Variants in KCNJ6 observed in about 807,000 individuals in gnomAD.
KCNJ6 encodes G protein-activated inward rectifier potassium channel 2.
A neutral mutation model predicts 34.2 loss-of-function variants in KCNJ6; 9 were observed. That is an observed-to-expected ratio of 0.26 (90% CI 0.16 to 0.46). The LOEUF (loss-of-function observed/expected upper bound fraction) is 0.46. Ranked by LOEUF, KCNJ6 falls within the 20% of genes least tolerant of loss-of-function variation. KCNJ6 has a pLI of 1.00. For missense variants in KCNJ6, 236 were observed against 531.3 expected (o/e 0.44, Z 5.46); for synonymous variants, 196 against 207.1 (o/e 0.95, Z 0.46).
intron 3 of KCNJ6, among the ~76,000 whole-genome samples, chr21:37,663,797 T>C (rs183949907): frequency 2.6e-5 from 4 of 152,134 alleles, no homozygotes; most frequent in Admixed American, 6.5e-5. Flanking sequence ...CTATCAGTAA[T>C]TGAAAAATTA....
At chr21:37,783,926 C>T (rs1601469546) in intron 2 of KCNJ6, among the ~76,000 whole-genome samples, 1 of 152,312 alleles carries the variant, frequency 6.6e-6, no homozygotes, top group African/African-American at 2.4e-5. Context: ...CAGGAGGTGG[C>T]TGTCTCCAAG....
At chr21:37,909,483 A>T (rs1204858832) in intron 1 of KCNJ6, among the ~76,000 whole-genome samples, 2 of 151,782 alleles carry the variant, frequency 1.3e-5, no homozygotes, top group African/African-American at 4.8e-5. Flanking sequence ...CTTGTGCCTC[A>T]GCCTCCTGAG....
intron 2 of KCNJ6, among the ~76,000 whole-genome samples, chr21:37,754,098 A>G (rs979019222): frequency 7.9e-5 from 12 of 152,126 alleles, no homozygotes; most frequent in African/African-American, 2.9e-4. Context: ...TAATAATTAA[A>G]CCTGGATGCC....
intron 2 of KCNJ6, among the ~76,000 whole-genome samples, chr21:37,762,362 T>G (rs76262281): frequency 0.022 from 3,354 of 151,760 alleles, 131 homozygotes; most frequent in African/African-American, 0.077. Context: ...CCCTTTAGAG[T>G]AAGGGATGTG....
At chr21:37,652,722 T>A (rs1442889816) in intron 3 of KCNJ6, among the ~76,000 whole-genome samples, 1 of 152,174 alleles carries the variant, frequency 6.6e-6, no homozygotes, top group Admixed American at 6.5e-5. Context: ...CCACTCTAGT[T>A]GTCAGATAGG....
intron 3 of KCNJ6, among the ~76,000 whole-genome samples, chr21:37,632,080 T>C (rs2054336129): frequency 6.6e-6 from 1 of 151,616 alleles, no homozygotes; most frequent in Non-Finnish European, 1.5e-5. Context: ...GAAAGAAGTA[T>C]CAGAAAAGGA....
intron 2 of KCNJ6, among the ~76,000 whole-genome samples, chr21:37,738,069 A>T (rs1221135959): frequency 6.6e-6 from 1 of 152,154 alleles, no homozygotes; most frequent in Non-Finnish European, 1.5e-5. Flanking sequence ...TTTAATGCTC[A>T]CACTCTTTTT....
chr21:37,807,517 G>A (rs2055299507), intron 2 of KCNJ6, among the ~76,000 whole-genome samples: 1 of 152,222 alleles, frequency 6.6e-6, no homozygotes, highest in East Asian at 1.9e-4. Context: ...GGTCCCGTAA[G>A]ATTATAATAC....
chr21:37,786,402 T>C lies in KCNJ6; in HGVS notation c.25+54256A>G, dbSNP rs2055192832. Among the ~76,000 whole-genome samples, 4 of 152,292 alleles carry C rather than the reference T, an allele frequency of 2.6e-5. No individual in the cohort carries two copies. In the South Asian group the frequency reaches 8.3e-4, roughly 32 times the overall value. On this transcript the variant is annotated intron_variant, in intron 2 of 3. Transcript: ENST00000609713. The stretch of plus-strand genomic sequence containing the variant: ...ACTTGGGGATCCCAAGACAGATGAG[T>C]AGGCCCCTCCTCTTGGATATGCCAC...
chr21:37,687,904 T>A (rs902206065), intron 3 of KCNJ6, among the ~76,000 whole-genome samples: 3 of 152,224 alleles, frequency 2.0e-5, no homozygotes, highest in African/African-American at 7.2e-5. Flanking sequence ...AGTTGCTAGA[T>A]AAACAAGTGC....
chr21:37,643,770 T>C (rs1173303425), intron 3 of KCNJ6, among the ~76,000 whole-genome samples: 5 of 152,030 alleles, frequency 3.3e-5, no homozygotes, highest in African/African-American at 1.2e-4. Context: ...TCCAGGAAGG[T>C]GAAAGTGAAT....
Position 37,703,327 on chromosome 21 carries a change from C to T in KCNJ6, c.946+10884G>A, listed in dbSNP as rs181468568. On this transcript the variant is annotated intron_variant, in intron 3 of 3. Transcript: ENST00000609713. ...ACAGGGGGGAAGAAAGAGGGAGAGG[C>T]CCAGGTGTGTGGCAGAAATGGGAAA... is the stretch of plus-strand genomic sequence containing the variant. Among the ~76,000 whole-genome samples the T allele has an allele frequency of 3.0e-3, 454 of 151,728 alleles. 4 individuals are homozygous for T. Among genetic ancestry groups the T allele is most frequent in the South Asian group, 2.1e-3 (10 of 4,794 alleles).
At chr21:37,846,018 A>T (rs1348016545) in intron 1 of KCNJ6, among the ~76,000 whole-genome samples, 2 of 152,202 alleles carry the variant, frequency 1.3e-5, no homozygotes, top group Admixed American at 1.3e-4. Flanking sequence ...ACATGTTCAC[A>T]GATGCTGAAA....
In KCNJ6 at chr21:37,764,357, T is replaced by C. The variant is rs1302500452; in HGVS notation, c.26-49226A>G. Among the ~76,000 whole-genome samples, 5 of 151,266 alleles carry C rather than the reference T, an allele frequency of 3.3e-5. No individual in the cohort carries two copies. The East Asian group carries it at 5.8e-4, about 18-fold the overall frequency. On this transcript the variant is annotated intron_variant, in intron 2 of 3. Transcript: ENST00000609713. Reference sequence around the variant, plus strand: ...AGAGAGAGACTTCAGCTTGGGATGATTGGAAGAAAAATTTGAAGATATTTA... The same window carrying C: ...AGAGAGAGACTTCAGCTTGGGATGACTGGAAGAAAAATTTGAAGATATTTA...
In KCNJ6 at chr21:37,625,090, A is replaced by G; in HGVS notation, c.*69T>C. ...AGAACAAAGCAAGAGAGACAGAAAA[A>G]GAAAGAGAATGAGAGACAAGGAAAG... On this transcript the variant is annotated 3_prime_UTR_variant, in exon 4 of 4. Coordinates refer to ENST00000609713, the MANE Select transcript of KCNJ6 (RefSeq NM_002240.5). The G allele has an allele frequency of 8.9e-7, 1 of 1,122,608 alleles. No individual in the cohort carries two copies. 69.5% of individuals were successfully genotyped at this position (1,122,608 alleles called of 1,614,324 possible).
chr21:37,651,268 G>A (rs1044425758), intron 3 of KCNJ6, among the ~76,000 whole-genome samples: 2 of 152,212 alleles, frequency 1.3e-5, no homozygotes, highest in South Asian at 2.1e-4. Flanking sequence ...ATGAGATAAT[G>A]ATATGAGGTG....
At chr21:37,775,449 GC>G (rs2123507095) in intron 2 of KCNJ6, among the ~76,000 whole-genome samples, 1 of 152,284 alleles carries the variant, frequency 6.6e-6, no homozygotes, top group East Asian at 1.9e-4. Flanking sequence ...GAATGGTATT[GC>G]CTAGGTTTTC....
In KCNJ6 at chr21:37,607,463, G is replaced by GATATATATATATATATATATATATAT. The variant is rs34826537; in HGVS notation, c.*17695_*17696insATATATATATATATATATATATATAT. On this transcript the variant is annotated 3_prime_UTR_variant, in exon 4 of 4. Coordinates refer to ENST00000609713, the MANE Select transcript of KCNJ6 (RefSeq NM_002240.5). The stretch of plus-strand genomic sequence containing the variant: ...TTCCCTAACACAGCGAGTTCTTAAA[G>GATATATATATATATATATATATATAT]ATATATATATATATATATATTTTTT... 39 of 128,686 alleles carry GATATATATATATATATATATATATAT rather than the reference G, an allele frequency of 3.0e-4. No individual in the cohort carries two copies. The highest frequency in any genetic ancestry group is 1.3e-3 in the East Asian group (5 of 3,888). The allele number at this position is 128,686 out of a possible 1,614,324, so 8.0% of individuals were successfully genotyped here.
chr21:37,727,319 T>C (rs1315790946), intron 2 of KCNJ6, among the ~76,000 whole-genome samples: 1 of 152,068 alleles, frequency 6.6e-6, no homozygotes, highest in Non-Finnish European at 1.5e-5. Context: ...ATGGTGGTGT[T>C]GGTGGAGTGG....
Sources: allele counts gnomAD v4.1 joint callset (sites outside exome capture counted in the v4.1 genomes callset), GRCh38; gene constraint gnomAD v4.1.1; transcripts MANE v1.5; gene names NCBI Gene and HGNC (gene_info 2026-07-23, HGNC 2026-07-21).